The following SDHAF2 variants were observed in gnomAD, a reference collection of about 807,000 sequenced individuals.
The protein encoded by SDHAF2 is succinate dehydrogenase assembly factor 2, mitochondrial.
A neutral mutation model predicts 18.5 loss-of-function variants in SDHAF2; 21 were observed. The ratio of observed to expected loss-of-function variants is 1.13; its 90% CI spans 0.80 to 1.63. The LOEUF (loss-of-function observed/expected upper bound fraction) is 1.63, where lower values mean the gene tolerates loss of function less well. Ranked by LOEUF, SDHAF2 falls within the 40% of genes most tolerant of loss-of-function variation. The probability of loss-of-function intolerance (pLI) is 0.00; values close to 1 mark genes in which losing one functional copy is unlikely to be tolerated. For synonymous variants in SDHAF2, 84 were observed against 70.7 expected, an observed-to-expected ratio of 1.19 and a Z score of -0.94; for missense variants, 195 against 200.3, an observed-to-expected ratio of 0.97 and a Z score of 0.16.
chr11:61,444,637 G>T (rs978784345), intron 3 of SDHAF2, among the ~76,000 whole-genome samples: 13 of 152,176 alleles, frequency 8.5e-5, no homozygotes, highest in Admixed American at 3.9e-4. Flanking sequence ...CAGCTACTCG[G>T]GAGGCTGAGG....
chr11:61,440,531 G>A (rs909201459), intron 3 of SDHAF2, among the ~76,000 whole-genome samples: 2 of 152,120 alleles, frequency 1.3e-5, no homozygotes, highest in African/African-American at 2.4e-5. Context: ...AACCTGGGAG[G>A]TGGAGGTTGC....
intron 3 of SDHAF2, among the ~76,000 whole-genome samples, chr11:61,443,928 C>A (rs991065919): frequency 6.6e-6 from 1 of 152,166 alleles, no homozygotes; most frequent in Non-Finnish European, 1.5e-5. Flanking sequence ...CGCCCGCCAC[C>A]ACGCCCGGCT....
At chr11:61,434,711 T>A (rs188439180) in intron 1 of SDHAF2, 27 of 142,856 alleles carry the variant, frequency 1.9e-4, no homozygotes, top group South Asian at 6.6e-4. Context: ...GTGAATTTTT[T>A]AATTTATTTT....
chr11:61,442,739 A>G (rs1253681199), intron 3 of SDHAF2, among the ~76,000 whole-genome samples: 3 of 151,870 alleles, frequency 2.0e-5, no homozygotes, highest in Non-Finnish European at 2.9e-5. Flanking sequence ...ATATTGTCCA[A>G]CAGCTGTTGT....
At chr11:61,441,223 T>A (rs1356289216) in intron 3 of SDHAF2, among the ~76,000 whole-genome samples, 1 of 152,004 alleles carries the variant, frequency 6.6e-6, no homozygotes, top group East Asian at 1.9e-4. Flanking sequence ...TTTGCCAGCT[T>A]CTGTGCTAAG....
intron 1 of SDHAF2, chr11:61,436,939 G>T: frequency 7.9e-7 from 1 of 1,273,506 alleles, no homozygotes; most frequent in Non-Finnish European, 1.0e-6. Context: ...TGCTGTCTCT[G>T]TGTGCTCAGG....
At chr11:61,430,959 A>G (rs543483910) in intron 1 of SDHAF2, 3 of 151,086 alleles carry the variant, frequency 2.0e-5, no homozygotes, top group Admixed American at 1.3e-4. Context: ...GTCGCATCTC[A>G]TAATTTTGTA....
Position 61,438,083 on chromosome 11 carries a change from A to G in SDHAF2, c.340A>G (p.Asn114Asp). 6.2e-7 allele frequency: 1 copy of G among 1,613,964 alleles called. No individual in the cohort carries two copies. The highest frequency in any genetic ancestry group is 8.5e-7 in the Non-Finnish European group (1 of 1,179,866). ...LYDRLINEPS[N>D]DWDIYYWATE... ...TGACCGCCTGATTAACGAGCCTAGT[A>G]ATGACTGGGATATTTACTACTGGGC... is the stretch of plus-strand genomic sequence containing the variant. Residue 114 changes from asparagine (N) to aspartate (D), a missense_variant, in exon 3 of 4, where the codon AAT (asparagine) becomes GAT (aspartate). Asn to Asp is a conservative substitution (Grantham distance 23). Transcript: ENST00000301761.
At chr11:61,430,320 T>G (rs995551173) in intron 1 of SDHAF2, 138 bp downstream of exon 1, 1 of 1,014,266 alleles carries the variant, frequency 9.9e-7, no homozygotes, top group Non-Finnish European at 1.5e-6. Context: ...GAGAGGCCGA[T>G]CCTGCAACTC....
chr11:61,436,733 C>G lies in SDHAF2; in HGVS notation c.37-892C>G, dbSNP rs1011625293. Reference sequence around the variant, plus strand: ...TTGTGCTCACCTGGGGAGCAGGAGCCTCTTACTGGTTTCTGGATTTCTCAC... The same window carrying G: ...TTGTGCTCACCTGGGGAGCAGGAGCGTCTTACTGGTTTCTGGATTTCTCAC... On this transcript the variant is annotated intron_variant, in intron 1 of 3. Coordinates refer to ENST00000301761, the MANE Select transcript of SDHAF2 (RefSeq NM_017841.4). The G allele has an allele frequency of 6.0e-6, 3 of 502,198 alleles. No homozygotes were observed. In the East Asian group the frequency reaches 2.1e-4, roughly 35 times the overall value. The allele number at this position is 502,198 out of a possible 1,614,324, so 31.1% of individuals were successfully genotyped here.
rs965017891 is a variant in SDHAF2 at position 61,446,717 on chromosome 11, A to G, written c.*646A>G. On this transcript the variant is annotated 3_prime_UTR_variant, in exon 4 of 4. Coordinates refer to ENST00000301761, the MANE Select transcript of SDHAF2 (RefSeq NM_017841.4). Reference sequence around the variant, plus strand: ...TAATTTGAAAGAGAATTATTAAAGCATACTGAAAAAAGGAAATTTACAATT... The same window carrying G: ...TAATTTGAAAGAGAATTATTAAAGCGTACTGAAAAAAGGAAATTTACAATT... 5.0e-5 allele frequency: 20 copies of G among 399,260 alleles called. No homozygotes were observed. Among genetic ancestry groups the G allele is most frequent in the African/African-American group, 2.5e-4 (12 of 48,644 alleles). The allele number at this position is 399,260 out of a possible 1,614,324, so 24.7% of individuals were successfully genotyped here.
intron 3 of SDHAF2, among the ~76,000 whole-genome samples, chr11:61,440,090 G>T (rs779492997): frequency 6.6e-6 from 1 of 152,202 alleles, no homozygotes; most frequent in Non-Finnish European, 1.5e-5. Context: ...CGAGGCAGGT[G>T]GATCACTTGA....
intron 3 of SDHAF2, among the ~76,000 whole-genome samples, chr11:61,438,544 A>G (rs1862025889): frequency 6.6e-6 from 1 of 152,112 alleles, no homozygotes; most frequent in South Asian, 2.1e-4. Context: ...CAACCCAAAC[A>G]CTGTTCAAAT....
At chr11:61,438,203 T>C (rs1429690470) in intron 3 of SDHAF2, 90 bp downstream of exon 3, 8 of 911,160 alleles carry the variant, frequency 8.8e-6, no homozygotes, top group Non-Finnish European at 1.3e-5. Flanking sequence ...TTTTTTTCTT[T>C]CTTTTTTTTT....
Position 61,437,640 on chromosome 11 carries a change from A to G in SDHAF2, c.52A>G (p.Arg18Gly), listed in dbSNP as rs200911550. The G allele has an allele frequency of 6.5e-5, 105 of 1,614,002 alleles. No individual in the cohort carries two copies. The highest frequency in any genetic ancestry group is 8.6e-5 in the Non-Finnish European group (101 of 1,179,958). The change falls in exon 2 of 4, where the codon AGG (arginine) becomes GGG (glycine). Residue 18 changes from arginine to glycine, a missense_variant. Arg to Gly is a moderately radical substitution (Grantham distance 125, BLOSUM62 -2). Transcript: ENST00000301761. ...TTCATTTCAGATGCTTGCTCTGTCAAGGCACAGCCTATTGTCTCCTTTGCT... is the reference window on the plus strand; with the variant it reads ...TTCATTTCAGATGCTTGCTCTGTCAGGGCACAGCCTATTGTCTCCTTTGCT... ...STSSLMLALSRHSLLSPLLSV... is the reference protein window; with the variant it reads ...STSSLMLALSGHSLLSPLLSV...
At chr11:61,443,732 C>T (rs949603817) in intron 3 of SDHAF2, among the ~76,000 whole-genome samples, 4 of 152,174 alleles carry the variant, frequency 2.6e-5, no homozygotes, top group African/African-American at 7.2e-5. Flanking sequence ...CTGCCTCAGC[C>T]TCCTGAGTAG....
At chr11:61,438,500 A>T (rs913375254) in intron 3 of SDHAF2, among the ~76,000 whole-genome samples, 2 of 152,172 alleles carry the variant, frequency 1.3e-5, no homozygotes, top group Admixed American at 1.3e-4. Flanking sequence ...TGCCTGGCTT[A>T]TAATTTTTTT....
chr11:61,443,050 C>T (rs1173706863), intron 3 of SDHAF2, among the ~76,000 whole-genome samples: 4 of 152,136 alleles, frequency 2.6e-5, no homozygotes, highest in African/African-American at 7.2e-5. Flanking sequence ...CCACTGTGCT[C>T]AGTCTGTCCA....
rs566009535 is a variant in SDHAF2, at chr11:61,443,692, A to G, written c.371-2249A>G. Among the ~76,000 whole-genome samples, 25 of 151,784 alleles carry G rather than the reference A, an allele frequency of 1.6e-4. No individual in the cohort carries two copies. In the South Asian group the frequency reaches 3.1e-3, roughly 19 times the overall value. ...AGTGGCACCCTCTCGGCTCACTGCAACCTCCACCTCCCAGGTTCAAGCGAT... is the reference window on the plus strand; with the variant it reads ...AGTGGCACCCTCTCGGCTCACTGCAGCCTCCACCTCCCAGGTTCAAGCGAT... On this transcript the variant is annotated intron_variant, in intron 3 of 3. Transcript: ENST00000301761.
Sources: allele counts gnomAD v4.1 joint callset (sites outside exome capture counted in the v4.1 genomes callset), GRCh38; gene constraint gnomAD v4.1.1; transcripts MANE v1.5; gene names NCBI Gene and HGNC (gene_info 2026-07-23, HGNC 2026-07-21).